The following EYA1 variants were observed in gnomAD, a reference collection of about 807,000 sequenced individuals.
EYA1 encodes protein phosphatase EYA1.
In EYA1, 16 loss-of-function variants were observed where a neutral mutation model predicts 82.0. That is an observed-to-expected ratio of 0.20 (90% CI 0.13 to 0.30). The LOEUF (loss-of-function observed/expected upper bound fraction) is 0.30, where lower values mean the gene tolerates loss of function less well. Ranked by LOEUF, EYA1 falls within the 10% of genes least tolerant of loss-of-function variation. EYA1 has a pLI of 1.00. For missense variants in EYA1, 633 were observed against 730.7 expected (o/e 0.87, Z 1.54); for synonymous variants, 261 against 264.4 (o/e 0.99, Z 0.12).
rs1818262314 is a variant in EYA1, at chr8:71,285,420, GAAATA to G, written c.827-13528_827-13524del. ...AACATTTAAGAAGTGGTAGGCATGG[GAAATA>G]AAATAAATTGCAGAAGCTGAAAACA... On this transcript the variant is annotated intron_variant, in intron 9 of 17. Transcript: ENST00000340726. Among the ~76,000 whole-genome samples, 4 of 152,296 alleles carry G rather than the reference GAAATA, an allele frequency of 2.6e-5. No homozygotes were observed. In the South Asian group the frequency reaches 8.3e-4, roughly 32 times the overall value.
intron 11 of EYA1, among the ~76,000 whole-genome samples, chr8:71,269,324 T>C (rs1258771110): frequency 6.6e-6 from 1 of 152,170 alleles, no homozygotes; most frequent in Non-Finnish European, 1.5e-5. Flanking sequence ...GTTTTGAAGA[T>C]AAAATACCAA....
intron 2 of EYA1, among the ~76,000 whole-genome samples, chr8:71,479,318 C>T (rs559779421): frequency 9.2e-5 from 14 of 152,270 alleles, no homozygotes; most frequent in Non-Finnish European, 1.2e-4. Flanking sequence ...ACCTTCCCCA[C>T]GAGGCCTGCC....
At chr8:71,527,496 T>C (rs1033811468) in intron 2 of EYA1, among the ~76,000 whole-genome samples, 6 of 152,140 alleles carry the variant, frequency 3.9e-5, no homozygotes, top group Admixed American at 3.9e-4. Context: ...GCTAGCCTGA[T>C]AGGAACAAAA....
chr8:71,306,164 C>T (rs1008912197), intron 7 of EYA1, among the ~76,000 whole-genome samples: 1 of 152,166 alleles, frequency 6.6e-6, no homozygotes, highest in African/African-American at 2.4e-5. Context: ...CCTGGTTAGA[C>T]TGGGAAGGAA....
chr8:71,356,511 C>T lies in EYA1; in HGVS notation c.-54G>A. On this transcript the variant is annotated splice_region_variant and 5_prime_UTR_variant, in exon 2 of 18. In the 5' UTR this introduces an upstream ATG that the reference lacks. Transcript: ENST00000340726. The stretch of plus-strand genomic sequence containing the variant: ...TCTGAACTGGCTTGAGATGTTTGCA[C>T]CTGTGATCAGGGGTAAAAAAATTAG... 6.4e-7 allele frequency: 1 copy of T among 1,573,156 alleles called. No individual in the cohort carries two copies. Among genetic ancestry groups the T allele is most frequent in the Non-Finnish European group, 8.6e-7 (1 of 1,158,232 alleles).
At chr8:71,461,406 G>T (rs1314552975) in intron 2 of EYA1, among the ~76,000 whole-genome samples, 1 of 152,158 alleles carries the variant, frequency 6.6e-6, no homozygotes, top group African/African-American at 2.4e-5. Context: ...TCTCTGTGAG[G>T]CTGTGGCTGG....
intron 17 of EYA1, chr8:71,200,193 C>G (rs1380297229): frequency 6.6e-6 from 1 of 151,720 alleles, no homozygotes; most frequent in Admixed American, 6.6e-5. Flanking sequence ...ATAATCATCA[C>G]CCTCAGGAGA....
intron 12 of EYA1, among the ~76,000 whole-genome samples, chr8:71,221,906 A>G (rs1388585631): frequency 6.6e-6 from 1 of 152,174 alleles, no homozygotes. Flanking sequence ...AACACACTGC[A>G]CAGGCTCAGT....
At chr8:71,334,330 T>TA (rs780884608) in intron 3 of EYA1, 156 bp from the exon 4 acceptor site, 20 of 715,200 alleles carry the variant, frequency 2.8e-5, no homozygotes, top group Non-Finnish European at 4.5e-5. Context: ...AGACTCCTTT[T>TA]AAAAAAATTC....
intron 2 of EYA1, among the ~76,000 whole-genome samples, chr8:71,480,847 A>G (rs1194652404): frequency 1.3e-5 from 2 of 152,164 alleles, no homozygotes; most frequent in African/African-American, 4.8e-5. Context: ...AAGTTAAACA[A>G]TTTTGCTTTA....
chr8:71,514,142 A>G (rs1299515107), intron 2 of EYA1, among the ~76,000 whole-genome samples: 2 of 152,146 alleles, frequency 1.3e-5, no homozygotes, highest in Non-Finnish European at 2.9e-5. Context: ...TATTTTATGT[A>G]TATACACAGC....
intron 2 of EYA1, among the ~76,000 whole-genome samples, chr8:71,390,383 C>G (rs570741368): frequency 9.2e-5 from 14 of 151,814 alleles, no homozygotes; most frequent in Non-Finnish European, 1.3e-4. Flanking sequence ...CTGCCTCAGT[C>G]TCCTGAGTAA....
intron 2 of EYA1, among the ~76,000 whole-genome samples, chr8:71,376,745 AT>A (rs1828396991): frequency 6.6e-6 from 1 of 152,296 alleles, no homozygotes; most frequent in Non-Finnish European, 1.5e-5. Context: ...TGTCATCTCC[AT>A]TCTTCTTTCT....
At chr8:71,511,069 C>T (rs1213284216) in intron 2 of EYA1, among the ~76,000 whole-genome samples, 2 of 152,106 alleles carry the variant, frequency 1.3e-5, no homozygotes, top group Non-Finnish European at 2.9e-5. Context: ...ACACCTATTA[C>T]TGTAAGAGTC....
In EYA1 at chr8:71,294,364, C is replaced by T. The variant is rs961500236; in HGVS notation, c.826+4683G>A. Among the ~76,000 whole-genome samples the T allele has an allele frequency of 1.2e-4, 18 of 152,186 alleles. No homozygotes were observed. The East Asian group carries it at 2.7e-3, about 23-fold the overall frequency. On this transcript the variant is annotated intron_variant, in intron 9 of 17. Coordinates refer to ENST00000340726, the MANE Select transcript of EYA1 (RefSeq NM_000503.6). ...GTCCCAGCTACTCGGGAGGCTGAGG[C>T]AGGAGAATGGCGTGAACCCCGGGGG...
intron 2 of EYA1, among the ~76,000 whole-genome samples, chr8:71,526,849 C>G (rs1813854698): frequency 6.6e-6 from 1 of 152,094 alleles, no homozygotes; most frequent in African/African-American, 2.4e-5. Context: ...AAAGGGACCC[C>G]CTTACAAGGC....
chr8:71,413,585 C>A (rs1830714554), intron 2 of EYA1, among the ~76,000 whole-genome samples: 1 of 152,178 alleles, frequency 6.6e-6, no homozygotes, highest in African/African-American at 2.4e-5. Context: ...AAACAACCTT[C>A]TCTATGTCAC....
intron 2 of EYA1, among the ~76,000 whole-genome samples, chr8:71,389,546 A>G (rs778342347): frequency 2.0e-5 from 3 of 152,196 alleles, no homozygotes; most frequent in Non-Finnish European, 2.9e-5. Context: ...CTTTTGTCAA[A>G]AAGGGTCAAT....
chr8:71,480,575 T>C (rs1197765407), intron 2 of EYA1, among the ~76,000 whole-genome samples: 1 of 151,758 alleles, frequency 6.6e-6, no homozygotes, highest in Non-Finnish European at 1.5e-5. Context: ...AAAAAAAAAA[T>C]GCTGGCACCT....
Sources: allele counts gnomAD v4.1 joint callset (sites outside exome capture counted in the v4.1 genomes callset), GRCh38; gene constraint gnomAD v4.1.1; transcripts MANE v1.5; gene names NCBI Gene and HGNC (gene_info 2026-07-23, HGNC 2026-07-21).